The following CACNA1S variants were observed in gnomAD, a reference collection of about 807,000 sequenced individuals.
CACNA1S encodes the protein voltage-dependent L-type calcium channel subunit alpha-1S.
A neutral mutation model predicts 207.4 loss-of-function variants in CACNA1S; 126 were observed. The ratio of observed to expected loss-of-function variants is 0.61; its 90% CI spans 0.53 to 0.70. The LOEUF (loss-of-function observed/expected upper bound fraction) is 0.70, where lower values mean the gene tolerates loss of function less well. CACNA1S is among the 30% of genes least tolerant of loss of function. The pLI, the probability that CACNA1S is intolerant of heterozygous loss-of-function variation, is 0.00. For synonymous variants in CACNA1S, 960 were observed against 932.7 expected, an observed-to-expected ratio of 1.03 and a Z score of -0.53; for missense variants, 2,349 against 2,422.8, an observed-to-expected ratio of 0.97 and a Z score of 0.64.
intron 1 of CACNA1S, among the ~76,000 whole-genome samples, 194 bp from the exon 2 acceptor site, chr1:201,110,463 T>C (rs1663058131): frequency 6.6e-6 from 1 of 152,190 alleles, no homozygotes; most frequent in Non-Finnish European, 1.5e-5. Context: ...TGCCTTGACC[T>C]CTGGCTCCCT....
intron 37 of CACNA1S, 63 bp from the exon 38 acceptor site, chr1:201,047,302 T>G (rs547942316): frequency 6.2e-7 from 1 of 1,609,762 alleles, no homozygotes; most frequent in East Asian, 2.2e-5. Context: ...GGATTCAGAG[T>G]GGGAGCCAGC....
chr1:201,062,078 G>A lies in CACNA1S; in HGVS notation c.2919C>T (p.Tyr973=), dbSNP rs751043315. ...MTEEECRGYY[Y]VYKDGDPMQI... ...GCATGGGGTCCCCGTCCTTGTACACGTAGTAGTAGCCCCTGTGGCAGGGAG... is the reference window on the plus strand; with the variant it reads ...GCATGGGGTCCCCGTCCTTGTACACATAGTAGTAGCCCCTGTGGCAGGGAG... The change falls in exon 24 of 44, where the codon TAC becomes TAT. Residue 973 remains tyrosine, a synonymous_variant. Coordinates refer to ENST00000362061, the MANE Select transcript of CACNA1S (RefSeq NM_000069.3). 44 of 1,613,798 alleles carry A rather than the reference G, an allele frequency of 2.7e-5. No homozygotes were observed. Among genetic ancestry groups the A allele is most frequent in the Admixed American group, 1.3e-4 (8 of 59,970 alleles).
chr1:201,092,486 T>G (rs1662273122), intron 3 of CACNA1S, among the ~76,000 whole-genome samples: 1 of 152,122 alleles, frequency 6.6e-6, no homozygotes, highest in Admixed American at 6.5e-5. Context: ...GAGAAGAAAC[T>G]CCACAGCAAG....
Position 201,049,093 on chromosome 1 carries a change from TCTC to T in CACNA1S, c.4245_4247del (p.Arg1416del). 2 of 1,611,020 alleles carry T rather than the reference TCTC, an allele frequency of 1.2e-6. No homozygotes were observed. Among genetic ancestry groups the T allele is most frequent in the Non-Finnish European group, 1.7e-6 (2 of 1,178,578 alleles). ...GGGTCACCACGTCCAGGTGTTTGAT[TCTC>T]CCCCTGCGGGAGGACACACAGACTT... On this transcript the variant is annotated inframe_deletion, in exon 35 of 44. Transcript: ENST00000362061.
chr1:201,043,261 A>G lies in CACNA1S; in HGVS notation c.5048+20T>C. The G allele has an allele frequency of 6.2e-7, 1 of 1,613,976 alleles. No individual in the cohort carries two copies. Among genetic ancestry groups the G allele is most frequent in the Non-Finnish European group, 8.5e-7 (1 of 1,179,960 alleles). ...CCTCCCAGTACCTCTACACCCAGGG[A>G]TGGCAGTGGCCGCCACTACCTGGAA... On this transcript the variant is annotated intron_variant, in intron 40 of 43. Transcript: ENST00000362061.
rs550371466 is a variant in CACNA1S at position 201,041,534 on chromosome 1, G to A, written c.5104C>T (p.Arg1702Ter). 4.0e-5 allele frequency: 64 copies of A among 1,614,068 alleles called. No individual in the cohort carries two copies. Among genetic ancestry groups the A allele is most frequent in the Admixed American group, 3.3e-4 (20 of 60,030 alleles). Residue 1702 changes from arginine (R) to a stop codon, truncating the protein, a stop_gained, in exon 41 of 44, where the codon CGA (arginine) becomes TGA (stop). Transcript: ENST00000362061. LOFTEE classifies it high-confidence loss of function. ...EETETPATRG[R>*]ALGQPCRVLG... ...ACCCTGCAGGGTTGGCCAAGGGCTCGTCCTCTGGTAGCAGGCGTCTCTGTC... is the reference window on the plus strand; with the variant it reads ...ACCCTGCAGGGTTGGCCAAGGGCTCATCCTCTGGTAGCAGGCGTCTCTGTC...
intron 38 of CACNA1S, among the ~76,000 whole-genome samples, chr1:201,045,041 G>A (rs1660429784): frequency 6.6e-6 from 1 of 152,218 alleles, no homozygotes; most frequent in Non-Finnish European, 1.5e-5. Flanking sequence ...AGGTTGAGAA[G>A]TGTTCTTACT....
rs1660728565 is a variant in CACNA1S, at chr1:201,053,468, C to T, written c.3786G>A (p.Lys1262=). Residue 1262 remains lysine (K), a synonymous_variant, in exon 30 of 44, where the codon AAG becomes AAA. Transcript: ENST00000362061. This position sits in a 1 kb window ranked among gnomAD's most constrained non-coding sequence, Gnocchi z 5.1. ...AGGGTCCCTGTTGCACCTGGAAGGA[C>T]TTGATGAACGTCCACAGGAGGGTTC... ...GVRTLLWTFI[K]SFQALPYVAL... 3.1e-6 allele frequency: 5 copies of T among 1,614,056 alleles called. No homozygotes were observed. The highest frequency in any genetic ancestry group is 2.7e-5 in the African/African-American group (2 of 74,912).
intron 2 of CACNA1S, among the ~76,000 whole-genome samples, chr1:201,098,657 G>C (rs1662525073): frequency 6.6e-6 from 1 of 152,138 alleles, no homozygotes; most frequent in Admixed American, 6.5e-5. Context: ...GCTCACCTTC[G>C]AACCAGGTGC....
intron 2 of CACNA1S, among the ~76,000 whole-genome samples, chr1:201,103,095 A>C (rs1662738878): frequency 6.6e-6 from 1 of 152,108 alleles, no homozygotes; most frequent in Non-Finnish European, 1.5e-5. Flanking sequence ...AACAAAAAAA[A>C]ATTAGCCAGG....
intron 19 of CACNA1S, among the ~76,000 whole-genome samples, chr1:201,067,407 T>G (rs547145248): frequency 6.6e-6 from 1 of 152,156 alleles, no homozygotes; most frequent in South Asian, 2.1e-4. Context: ...ACTCTAGGGG[T>G]CCTAGGCCCT....
chr1:201,088,019 GA>G, intron 6 of CACNA1S, 90 bp from the exon 7 acceptor site: 1 of 840,868 alleles, frequency 1.2e-6, no homozygotes, highest in Non-Finnish European at 2.0e-6. Flanking sequence ...AACCCTGGGG[GA>G]CAAGGAGAGA....
intron 32 of CACNA1S, among the ~76,000 whole-genome samples, chr1:201,052,304 T>G (rs1260884459): frequency 6.6e-6 from 1 of 152,132 alleles, no homozygotes; most frequent in Non-Finnish European, 1.5e-5. Flanking sequence ...GGGAGGAAAA[T>G]GCAGCACTTC....
chr1:201,087,751 G>A (rs534820326), intron 7 of CACNA1S, 75 bp downstream of exon 7: 17 of 724,938 alleles, frequency 2.3e-5, no homozygotes, highest in Admixed American at 1.6e-4. Flanking sequence ...TTTTCCCTCC[G>A]TTCCTTTTCC....
intron 9 of CACNA1S, among the ~76,000 whole-genome samples, chr1:201,084,539 TG>T (rs1661960968): frequency 6.6e-6 from 1 of 152,216 alleles, no homozygotes; most frequent in South Asian, 2.1e-4. Flanking sequence ...AGTGTGCTCT[TG>T]CCTCCAGCCT....
At chr1:201,111,791 C>G (rs1663113127) in intron 1 of CACNA1S, among the ~76,000 whole-genome samples, 1 of 152,176 alleles carries the variant, frequency 6.6e-6, no homozygotes, top group South Asian at 2.1e-4. Flanking sequence ...TTTGGGCACA[C>G]ATGGGAACAG....
chr1:201,054,383 C>A, intron 29 of CACNA1S, 122 bp downstream of exon 29: 1 of 1,034,184 alleles, frequency 9.7e-7, no homozygotes, highest in Non-Finnish European at 1.5e-6. Context: ...AGGGCCTGCC[C>A]TGGGGAGGGA....
In CACNA1S at chr1:201,051,197, A is replaced by G. The variant is rs566317781; in HGVS notation, c.3954-54T>C. On this transcript the variant is annotated intron_variant, in intron 32 of 43. Coordinates refer to ENST00000362061, the MANE Select transcript of CACNA1S (RefSeq NM_000069.3). ...TATCTGCTCCTGCCTGGCCCCTCAGAAGGCTGGCAGTCAGGTGGCAGCAGG... is the reference window on the plus strand; with the variant it reads ...TATCTGCTCCTGCCTGGCCCCTCAGGAGGCTGGCAGTCAGGTGGCAGCAGG... 5.3e-5 allele frequency: 85 copies of G among 1,599,672 alleles called. No homozygotes were observed. In the African/African-American group the frequency reaches 9.9e-4, roughly 19 times the overall value.
chr1:201,050,873 C>A, intron 33 of CACNA1S, 111 bp downstream of exon 33: 1 of 1,162,198 alleles, frequency 8.6e-7, no homozygotes, highest in South Asian at 1.2e-5. Flanking sequence ...CCTGCGTCCC[C>A]GAGATGAATC....
Sources: allele counts gnomAD v4.1 joint callset (sites outside exome capture counted in the v4.1 genomes callset), GRCh38; gene constraint gnomAD v4.1.1; non-coding constraint Gnocchi (gnomAD v3.1); transcripts MANE v1.5; gene names NCBI Gene and HGNC (gene_info 2026-07-23, HGNC 2026-07-21).